TRIM25: variants seen among roughly 807,000 people sequenced by gnomAD.
The protein encoded by TRIM25 is E3 ubiquitin/ISG15 ligase TRIM25.
A neutral mutation model predicts 65.2 loss-of-function variants in TRIM25; 45 were observed. The observed-to-expected ratio is 0.69, with a 90% confidence interval of 0.54 to 0.89. The LOEUF is 0.89. Ranked by LOEUF, TRIM25 falls within the 40% of genes least tolerant of loss-of-function variation. TRIM25 has a pLI of 0.00. For missense variants in TRIM25, 714 were observed against 803.7 expected (o/e 0.89, Z 1.35); for synonymous variants, 321 against 340.4 (o/e 0.94, Z 0.63).
intron 2 of TRIM25, among the ~76,000 whole-genome samples, chr17:56,907,835 C>G (rs1186077105): frequency 6.6e-6 from 1 of 152,168 alleles, no homozygotes; most frequent in Non-Finnish European, 1.5e-5. Context: ...CTCCCTAAAT[C>G]CAATGACAAG....
At position 56,891,210 on chromosome 17, in the gene TRIM25, G is replaced by A. The variant is rs776993540; in HGVS notation, c.*490C>T. ...ACCAGGAGATCAAGCCCCAACATGCGGGTAATGGAGTTTATGTAACATTGA... is the reference window on the plus strand; with the variant it reads ...ACCAGGAGATCAAGCCCCAACATGCAGGTAATGGAGTTTATGTAACATTGA... On this transcript the variant is annotated 3_prime_UTR_variant, in exon 9 of 9. Transcript: ENST00000316881. The A allele has an allele frequency of 2.2e-4, 74 of 340,504 alleles. No individual in the cohort carries two copies. Among genetic ancestry groups the A allele is most frequent in the South Asian group, 9.5e-4 (42 of 44,268 alleles). 21.1% of individuals were successfully genotyped at this position (340,504 alleles called of 1,614,324 possible).
intron 3 of TRIM25, among the ~76,000 whole-genome samples, chr17:56,901,786 C>T (rs576832525): frequency 8.5e-5 from 13 of 152,282 alleles, no homozygotes; most frequent in African/African-American, 2.6e-4. Flanking sequence ...AGAGGTCACT[C>T]ATCTTACAGA....
At position 56,913,713 on chromosome 17, in the gene TRIM25, C is replaced by T; in HGVS notation, c.276G>A (p.Pro92=). 1 of 1,566,830 alleles carries T rather than the reference C, an allele frequency of 6.4e-7. No homozygotes were observed. Among genetic ancestry groups the T allele is most frequent in the Non-Finnish European group, 8.6e-7 (1 of 1,156,370 alleles). Residue 92 remains proline (P), a synonymous_variant, in exon 1 of 9, where the codon CCG becomes CCA. Transcript: ENST00000316881. This position sits in a 1 kb window ranked among gnomAD's most constrained non-coding sequence, Gnocchi z 6.1. The stretch of plus-strand genomic sequence containing the variant: ...GGCTGGGTGCAGAGGCGCGGGCGGG[C>T]GGCGTCCAGACGTCGGCGGGTGGCT... The part of the protein sequence containing the change: ...AREPPADVWT[P]PARASAPSPN...
chr17:56,899,109 A>G lies in TRIM25; in HGVS notation c.1153+6T>C, dbSNP rs1909357883. The stretch of plus-strand genomic sequence containing the variant: ...TTGCCATGGAGACAGGGGTGGGGCT[A>G]CTTACTGGAGACCTTCTTCACAGGG... On this transcript the variant is annotated splice_donor_region_variant and intron_variant, in intron 5 of 8. Transcript: ENST00000316881. 1.9e-6 allele frequency: 3 copies of G among 1,614,130 alleles called. No homozygotes were observed. The highest frequency in any genetic ancestry group is 2.5e-6 in the Non-Finnish European group (3 of 1,180,016).
Position 56,890,476 on chromosome 17 carries a change from A to AGG in TRIM25, c.*1222_*1223dup. 2.5e-6 allele frequency: 1 copy of AGG among 399,876 alleles called. No individual in the cohort carries two copies. Among genetic ancestry groups the AGG allele is most frequent in the Non-Finnish European group, 5.0e-6 (1 of 199,138 alleles). The allele number at this position is 399,876 out of a possible 1,614,324, so 24.8% of individuals were successfully genotyped here. ...CCAGCCCCAGGCTCTGACTCACGCA[A>AGG]GGGCCAGTGCTGGGTCTGCAGCCTG... is the stretch of plus-strand genomic sequence containing the variant. On this transcript the variant is annotated 3_prime_UTR_variant, in exon 9 of 9. Coordinates refer to ENST00000316881, the MANE Select transcript of TRIM25 (RefSeq NM_005082.5).
chr17:56,895,791 G>A, intron 6 of TRIM25, 135 bp downstream of exon 6: 8 of 1,277,150 alleles, frequency 6.3e-6, no homozygotes, highest in Non-Finnish European at 8.7e-6. Context: ...CCTCAGGCCT[G>A]CTGCCATTAC....
rs1206021522 is a variant in TRIM25 at position 56,890,406 on chromosome 17, T to A, written c.*1294A>T. ...CCCTCCCTCCCTGATCAATGTGAGC[T>A]TATATAATTGGCTTAAATGAGGAAG... is the stretch of plus-strand genomic sequence containing the variant. On this transcript the variant is annotated 3_prime_UTR_variant, in exon 9 of 9. Transcript: ENST00000316881. The A allele has an allele frequency of 5.6e-6, 2 of 356,026 alleles. No individual in the cohort carries two copies. Among genetic ancestry groups the A allele is most frequent in the East Asian group, 1.5e-4 (2 of 13,476 alleles). 22.1% of individuals were successfully genotyped at this position (356,026 alleles called of 1,614,324 possible). A position where few individuals can be genotyped will look rare whatever the true frequency, so the allele number is the denominator to read the frequency against.
At chr17:56,896,836 A>AAT (rs1909304086) in intron 5 of TRIM25, among the ~76,000 whole-genome samples, 1 of 151,852 alleles carries the variant, frequency 6.6e-6, no homozygotes, top group Non-Finnish European at 1.5e-5. Context: ...CAGGCACTGT[A>AAT]GCTTACTCCT....
At chr17:56,899,214 C>A (rs1248496920) in intron 4 of TRIM25, 34 bp from the exon 5 acceptor site, 2 of 1,612,762 alleles carry the variant, frequency 1.2e-6, no homozygotes, top group Middle Eastern at 1.7e-4. Flanking sequence ...GTGTGTGCGG[C>A]TCCTCTCACT....
At chr17:56,910,422 T>C (rs771516822) in intron 1 of TRIM25, among the ~76,000 whole-genome samples, 6 of 152,172 alleles carry the variant, frequency 3.9e-5, no homozygotes, top group Admixed American at 6.5e-5. Context: ...CCTCTAACAG[T>C]GGCCAAGATA....
intron 8 of TRIM25, 68 bp downstream of exon 8, chr17:56,895,271 CAGAG>C (rs1190618699): frequency 1.4e-5 from 18 of 1,268,866 alleles, no homozygotes; most frequent in Non-Finnish European, 1.7e-5. Context: ...GCTGGCCTCA[CAGAG>C]AGCTGCACAG....
In TRIM25 at chr17:56,887,990, T is replaced by A. The variant is rs1447891172; in HGVS notation, c.*3710A>T. ...AGACACAGGGAAAGGTCTGGAAGGG[T>A]CTTGAGCACAGTGCTCCCATGCCCC... On this transcript the variant is annotated 3_prime_UTR_variant, in exon 9 of 9. Coordinates refer to ENST00000316881, the MANE Select transcript of TRIM25 (RefSeq NM_005082.5). 1 of 152,142 alleles carries A rather than the reference T, an allele frequency of 6.6e-6. No individual in the cohort carries two copies. Among genetic ancestry groups the A allele is most frequent in the Non-Finnish European group, 1.5e-5 (1 of 68,054 alleles). 9.4% of individuals were successfully genotyped at this position (152,142 alleles called of 1,614,324 possible).
intron 5 of TRIM25, among the ~76,000 whole-genome samples, chr17:56,896,900 T>A (rs1480008760): frequency 6.6e-6 from 1 of 150,864 alleles, no homozygotes; most frequent in Non-Finnish European, 1.5e-5. Flanking sequence ...AGGCCAGGAG[T>A]TCAAGATCAG....
Position 56,889,767 on chromosome 17 carries a change from T to A in TRIM25, c.*1933A>T. 7.5e-6 allele frequency: 3 copies of A among 398,482 alleles called. No homozygotes were observed. The highest frequency in any genetic ancestry group is 1.3e-5 in the Non-Finnish European group (3 of 225,938). The allele number at this position is 398,482 out of a possible 1,614,324, so 24.7% of individuals were successfully genotyped here. On this transcript the variant is annotated 3_prime_UTR_variant, in exon 9 of 9. Transcript: ENST00000316881. Reference sequence around the variant, plus strand: ...AGCCCAGCTGTTTCCCAAGTATTAATTGGTTTCAGACAAGGCTTTCGTTTC... The same window carrying A: ...AGCCCAGCTGTTTCCCAAGTATTAAATGGTTTCAGACAAGGCTTTCGTTTC...
At chr17:56,893,475 G>A (rs554156462) in intron 8 of TRIM25, among the ~76,000 whole-genome samples, 3 of 152,334 alleles carry the variant, frequency 2.0e-5, no homozygotes, top group South Asian at 4.1e-4. Context: ...CAGGGACAGC[G>A]GAGGGCTACA....
chr17:56,913,072 C>A lies in TRIM25; in HGVS notation c.597+320G>T. ...GGAGGATCCCTTAAGCCCGGGAAGT[C>A]GAGGCTGCAGTGAGCTGTGATTCCG... On this transcript the variant is annotated intron_variant, in intron 1 of 8. Transcript: ENST00000316881. This position sits in a 1 kb window ranked among gnomAD's most constrained non-coding sequence, Gnocchi z 6.1. The A allele has an allele frequency of 4.6e-6, 1 of 218,486 alleles. No homozygotes were observed. Among genetic ancestry groups the A allele is most frequent in the Non-Finnish European group, 8.9e-6 (1 of 111,942 alleles). 13.5% of individuals were successfully genotyped at this position (218,486 alleles called of 1,614,324 possible). A position where few individuals can be genotyped will look rare whatever the true frequency, so the allele number is the denominator to read the frequency against.
At chr17:56,911,578 C>CA (rs34726749) in intron 1 of TRIM25, among the ~76,000 whole-genome samples, 91,014 of 136,892 alleles carry the variant, frequency 0.66, 30,325 homozygotes, top group Admixed American at 0.76. Flanking sequence ...GACTCCAACT[C>CA]AAAAAAAAAA....
chr17:56,909,078 A>G (rs1909577155), intron 1 of TRIM25, among the ~76,000 whole-genome samples: 1 of 152,142 alleles, frequency 6.6e-6, no homozygotes, highest in South Asian at 2.1e-4. Context: ...CTGCTTCGGT[A>G]ATGGCAGGTG....
chr17:56,891,732 C>A lies in TRIM25; in HGVS notation c.1861G>T (p.Gly621Cys). The change falls in exon 9 of 9, where the codon GGT (glycine) becomes TGT (cysteine). Residue 621 changes from glycine (G) to cysteine (C), a missense_variant. Physicochemically the swap from Gly to Cys is radical, Grantham distance 159. Around this residue, in one of 3 missense-constraint regions of TRIM25, gnomAD observed 10 missense variants for 23.6 expected, o/e 0.42. Coordinates refer to ENST00000316881, the MANE Select transcript of TRIM25 (RefSeq NM_005082.5). ...LYPAFWVFSA[G>C]ATLSICSPK is the part of the protein sequence containing the mutation. ...GGGGAGCAGATGGAGAGTGTGGCAC[C>A]AGCAGAAAATACCCAGAAAGCCGGG... is the stretch of plus-strand genomic sequence containing the variant. 6.2e-7 allele frequency: 1 copy of A among 1,613,956 alleles called. No individual in the cohort carries two copies. The highest frequency in any genetic ancestry group is 1.3e-5 in the African/African-American group (1 of 75,032).
Sources: gnomAD v4.1 joint callset for allele counts (sites outside exome capture counted in the v4.1 genomes callset) on GRCh38, gnomAD v4.1.1 for gene constraint, gnomAD v4.1.1 regional missense constraint, Gnocchi (gnomAD v3.1) non-coding constraint, MANE v1.5 for transcripts, NCBI Gene and HGNC (gene_info 2026-07-23, HGNC 2026-07-21) for gene names.